The following POTEF variants were observed in gnomAD, a reference collection of about 807,000 sequenced individuals.
POTEF encodes ANKRD26-like family C member 1B.
A neutral mutation model predicts 83.2 loss-of-function variants in POTEF; 20 were observed. The ratio of observed to expected loss-of-function variants is 0.24; its 90% confidence interval spans 0.17 to 0.35. POTEF has a LOEUF of 0.35. POTEF is among the 10% of genes least tolerant of loss of function. POTEF has a pLI of 1.00. For synonymous variants in POTEF, 196 were observed against 446.4 expected (o/e 0.44, Z 7.07); for missense variants, 550 against 1,203.2 (o/e 0.46, Z 8.03).
chr2:130,119,960 C>T (rs758251363), intron 3 of POTEF, 35 bp downstream of exon 3: 7 of 1,404,200 alleles, frequency 5.0e-6, no homozygotes, highest in Non-Finnish European at 4.8e-6. Context: ...ATCATCCCCC[C>T]ACGTCCCACC....
intron 2 of POTEF, chr2:130,121,000 CCG>C: frequency 4.4e-6 from 1 of 229,334 alleles, no homozygotes; most frequent in African/African-American, 2.9e-5. Flanking sequence ...GCCAGCCAAG[CCG>C]TTACGCGCGT....
In POTEF at chr2:130,083,334, T is replaced by TAAA. The variant is rs1211478303; in HGVS notation, c.1778+2477_1778+2479dup. 1.5e-3 allele frequency among the ~76,000 whole-genome samples: 221 copies of TAAA among 149,162 alleles called. 1 individual carries two copies. Among genetic ancestry groups the TAAA allele is most frequent in the African/African-American group, 5.1e-3 (205 of 40,364 alleles). ...TGGGGGACAAAGTGAGACTCTGTCT[T>TAAA]AAAAAAAAAAAAATTATGAGAAAGA... On this transcript the variant is annotated intron_variant, in intron 15 of 16. Coordinates refer to ENST00000409914, the MANE Select transcript of POTEF (RefSeq NM_001099771.2).
At chr2:130,106,987 G>C (rs1684552952) in intron 8 of POTEF, among the ~76,000 whole-genome samples, 1 of 149,862 alleles carries the variant, frequency 6.7e-6, no homozygotes, top group Non-Finnish European at 1.5e-5. Flanking sequence ...TTTGTCTCCT[G>C]CAACTTATAA....
Position 130,115,204 on chromosome 2 carries a change from T to C in POTEF, c.636+10A>G. The C allele has an allele frequency of 6.2e-7, 1 of 1,612,446 alleles. No homozygotes were observed. Among genetic ancestry groups the C allele is most frequent in the Non-Finnish European group, 8.5e-7 (1 of 1,179,898 alleles). The stretch of plus-strand genomic sequence containing the variant: ...CCCACCTCATGCTGATATAGTTGGC[T>C]ACTGCATACCTTTATCAGAGCTGTC... On this transcript the variant is annotated intron_variant, in intron 4 of 16. Transcript: ENST00000409914.
intron 3 of POTEF, among the ~76,000 whole-genome samples, chr2:130,117,802 AT>A (rs1684879417): frequency 6.6e-6 from 1 of 152,094 alleles, no homozygotes; most frequent in South Asian, 2.1e-4. Context: ...AAAGCATAAC[AT>A]TTTAAAAATG....
intron 12 of POTEF, among the ~76,000 whole-genome samples, chr2:130,091,285 AC>A (rs1684117998): frequency 8.8e-6 from 1 of 113,524 alleles, no homozygotes; most frequent in Non-Finnish European, 1.8e-5. Context: ...GGCAGAAAAA[AC>A]ATAAGTCTAT....
In POTEF at chr2:130,105,321, T is replaced by C. The variant is rs753000977; in HGVS notation, c.1126+2688A>G. Among the ~76,000 whole-genome samples the C allele has an allele frequency of 2.0e-3, 297 of 150,318 alleles. 4 individuals carry two copies. Among genetic ancestry groups the C allele is most frequent in the South Asian group, 4.0e-3 (19 of 4,794 alleles). ...CACCAAAAAAACAAAGGCCAACATA[T>C]TAAAACAAGTAGTTGAGATTCCTAA... is the stretch of plus-strand genomic sequence containing the variant. On this transcript the variant is annotated intron_variant, in intron 8 of 16. Transcript: ENST00000409914.
At chr2:130,113,341 CAAA>C (rs3030046) in intron 5 of POTEF, among the ~76,000 whole-genome samples, 1 of 80,948 alleles carries the variant, frequency 1.2e-5, no homozygotes. Flanking sequence ...GACCCCATCT[CAAA>C]AAAAAAAAAA....
At chr2:130,119,315 C>G (rs932809062) in intron 3 of POTEF, among the ~76,000 whole-genome samples, 2 of 151,848 alleles carry the variant, frequency 1.3e-5, no homozygotes, top group South Asian at 2.1e-4. Flanking sequence ...AGGCGTCTAC[C>G]ACCGCACCCG....
chr2:130,109,044 G>A (rs1684630300), intron 7 of POTEF, among the ~76,000 whole-genome samples: 1 of 151,108 alleles, frequency 6.6e-6, no homozygotes, highest in Non-Finnish European at 1.5e-5. Context: ...CACGGAACAT[G>A]TTATTCAGCT....
At chr2:130,094,925 A>G (rs1684205233) in intron 11 of POTEF, among the ~76,000 whole-genome samples, 1 of 150,326 alleles carries the variant, frequency 6.7e-6, no homozygotes, top group African/African-American at 2.5e-5. Context: ...CCTAAATAAA[A>G]AAATTAATAT....
At chr2:130,118,487 G>T (rs1237536468) in intron 3 of POTEF, among the ~76,000 whole-genome samples, 1 of 151,776 alleles carries the variant, frequency 6.6e-6, no homozygotes, top group East Asian at 2.0e-4. Flanking sequence ...ACGAGGGCAG[G>T]AGTTCAAGAC....
At position 130,080,587 on chromosome 2, in the gene POTEF, A is replaced by G. The variant is rs1202268738; in HGVS notation, c.1779-3386T>C. 6.2e-4 allele frequency among the ~76,000 whole-genome samples: 11 copies of G among 17,772 alleles called. 1 individual carries two copies. Among genetic ancestry groups the G allele is most frequent in the East Asian group, 4.4e-3 (4 of 902 alleles). The allele number at this position is 17,772 out of a possible 152,430, so 11.7% of individuals were successfully genotyped here. A position where few individuals can be genotyped will look rare whatever the true frequency, so the allele number is the denominator to read the frequency against. On this transcript the variant is annotated intron_variant, in intron 15 of 16. Transcript: ENST00000409914. ...ACTTCTGGTTAAGATGATGTATCAA[A>G]AAAAAAAAATCTTCGTGAGAGCTAT...
chr2:130,120,551 A>C lies in POTEF; in HGVS notation c.-36T>G, dbSNP rs367743689. On this transcript the variant is annotated 5_prime_UTR_variant, in exon 3 of 17. Transcript: ENST00000409914. ...CAGCCAGGAGAAGCCAGTAGTAGCCAACAGATCGCGTCTACCAACCAGTTT... is the reference window on the plus strand; with the variant it reads ...CAGCCAGGAGAAGCCAGTAGTAGCCCACAGATCGCGTCTACCAACCAGTTT... 154 of 1,610,648 alleles carry C rather than the reference A, an allele frequency of 9.6e-5. 1 individual carries two copies. The African/African-American group carries it at 1.7e-3, about 18-fold the overall frequency.
chr2:130,121,661 C>T (rs1239396829), intron 2 of POTEF, among the ~76,000 whole-genome samples: 1 of 65,844 alleles, frequency 1.5e-5, no homozygotes, highest in African/African-American at 6.6e-5. Flanking sequence ...GTGTTGGGTG[C>T]ACCAAAATCT....
intron 3 of POTEF, among the ~76,000 whole-genome samples, chr2:130,116,444 T>C (rs1684846919): frequency 6.7e-6 from 1 of 148,582 alleles, no homozygotes; most frequent in Admixed American, 6.7e-5. Context: ...GATTATTTCA[T>C]TACTCAGGTG....
intron 1 of POTEF, among the ~76,000 whole-genome samples, chr2:130,128,084 G>A (rs1685142501): frequency 6.8e-6 from 1 of 146,588 alleles, no homozygotes; most frequent in South Asian, 2.2e-4. Context: ...GGGCCCACCA[G>A]GGCTGCACTC....
intron 16 of POTEF, among the ~76,000 whole-genome samples, chr2:130,075,947 T>C (rs1026637119): frequency 2.0e-5 from 3 of 148,806 alleles, no homozygotes; most frequent in African/African-American, 7.5e-5. Flanking sequence ...ATAATTTGAC[T>C]ACATTTTTAA....
chr2:130,126,617 C>T (rs1183043724), intron 2 of POTEF, among the ~76,000 whole-genome samples: 1 of 152,052 alleles, frequency 6.6e-6, no homozygotes, highest in Non-Finnish European at 1.5e-5. Flanking sequence ...AATTAACTCC[C>T]TCATGCTTAC....
Sources: gnomAD v4.1 joint callset for allele counts (sites outside exome capture counted in the v4.1 genomes callset) on GRCh38, gnomAD v4.1.1 for gene constraint, MANE v1.5 for transcripts, NCBI Gene and HGNC (gene_info 2026-07-23, HGNC 2026-07-21) for gene names.